Variants in DGKB observed in about 807,000 individuals in gnomAD.
The protein encoded by DGKB is diacylglycerol kinase beta, also known as 90 kDa diacylglycerol kinase.
In DGKB, 67 loss-of-function variants were observed where a neutral mutation model predicts 114.3. The ratio of observed to expected loss-of-function variants is 0.59; its 90% CI spans 0.48 to 0.72. DGKB has a LOEUF of 0.72. Among genes scored for constraint, DGKB ranks in the 30% least tolerant of loss-of-function variants. The probability of loss-of-function intolerance (pLI) is 0.00; values close to 1 mark genes in which losing one functional copy is unlikely to be tolerated. For synonymous variants in DGKB, 398 were observed against 323.1 expected (o/e 1.23, Z -2.49); for missense variants, 907 against 975.2 (o/e 0.93, Z 0.93).
chr7:14,233,207 A>G (rs2128345050), intron 23 of DGKB, among the ~76,000 whole-genome samples: 1 of 152,136 alleles, frequency 6.6e-6, no homozygotes, highest in South Asian at 2.1e-4. Context: ...GCAAAGAAAG[A>G]AAAAAGGGAC....
chr7:14,689,196 C>CTTTTT (rs1554599070), intron 9 of DGKB, among the ~76,000 whole-genome samples: 2 of 80,296 alleles, frequency 2.5e-5, no homozygotes, highest in African/African-American at 9.9e-5. Flanking sequence ...AGAAACTCCT[C>CTTTTT]TTATTTTTTT....
intron 5 of DGKB, among the ~76,000 whole-genome samples, chr7:14,722,497 T>A (rs559081284): frequency 6.6e-6 from 1 of 152,262 alleles, no homozygotes; most frequent in East Asian, 1.9e-4. Flanking sequence ...ATCAACTTGA[T>A]TAAATTTTGA....
At chr7:14,256,090 C>T (rs1339931228) in intron 23 of DGKB, among the ~76,000 whole-genome samples, 1 of 152,018 alleles carries the variant, frequency 6.6e-6, no homozygotes, top group Non-Finnish European at 1.5e-5. Context: ...TTGTCTATTT[C>T]ATTAGACTTT....
intron 3 of DGKB, among the ~76,000 whole-genome samples, chr7:14,754,333 A>G (rs1834555396): frequency 6.6e-6 from 1 of 152,206 alleles, no homozygotes. Flanking sequence ...TATAATATGT[A>G]ACACATACAG....
At chr7:14,948,214 A>T (rs1260297120) in intron 1 of DGKB, among the ~76,000 whole-genome samples, 2 of 151,818 alleles carry the variant, frequency 1.3e-5, no homozygotes, top group Non-Finnish European at 2.9e-5. Flanking sequence ...ATCTGTACTA[A>T]GGGATAATTT....
chr7:14,836,340 G>A (rs1847153899), intron 2 of DGKB, among the ~76,000 whole-genome samples: 1 of 152,104 alleles, frequency 6.6e-6, no homozygotes, highest in Non-Finnish European at 1.5e-5. Flanking sequence ...AGTTTGGAAA[G>A]GTTCCCACCA....
At chr7:14,436,727 T>C (rs1829329189) in intron 21 of DGKB, among the ~76,000 whole-genome samples, 1 of 152,124 alleles carries the variant, frequency 6.6e-6, no homozygotes, top group Non-Finnish European at 1.5e-5. Flanking sequence ...TTGCAAGAGG[T>C]ACACATGTTT....
chr7:14,149,742 C>CCAAA (rs1781905440), intron 25 of DGKB, among the ~76,000 whole-genome samples: 1 of 151,240 alleles, frequency 6.6e-6, no homozygotes, highest in Non-Finnish European at 1.5e-5. Flanking sequence ...GGCTTAATTT[C>CCAAA]CAAACAGTCA....
intron 1 of DGKB, among the ~76,000 whole-genome samples, chr7:14,859,126 G>A (rs1051015344): frequency 6.6e-6 from 1 of 152,074 alleles, no homozygotes; most frequent in Non-Finnish European, 1.5e-5. Flanking sequence ...AGGAGAGAAG[G>A]CAAATTCCAG....
chr7:14,190,374 G>A (rs1290226756), intron 23 of DGKB, among the ~76,000 whole-genome samples: 1 of 151,822 alleles, frequency 6.6e-6, no homozygotes, highest in Non-Finnish European at 1.5e-5. Context: ...AAAACCCATG[G>A]GACACAATAA....
chr7:14,347,970 A>T (rs1005835887), intron 21 of DGKB, among the ~76,000 whole-genome samples: 3 of 152,036 alleles, frequency 2.0e-5, no homozygotes, highest in Non-Finnish European at 2.9e-5. Flanking sequence ...TTAGATTCAC[A>T]TGCAGTTGTA....
At chr7:14,893,352 GT>G (rs1343550660) in intron 1 of DGKB, among the ~76,000 whole-genome samples, 1 of 151,320 alleles carries the variant, frequency 6.6e-6, no homozygotes, top group African/African-American at 2.4e-5. Flanking sequence ...CTTAAAAGAC[GT>G]TTTTTCCTGG....
intron 2 of DGKB, among the ~76,000 whole-genome samples, chr7:14,818,143 A>T (rs922719889): frequency 1.5e-4 from 23 of 152,190 alleles, no homozygotes; most frequent in Admixed American, 1.5e-3. Context: ...TAAGAGCCTT[A>T]TACCTGTATA....
chr7:14,553,348 CTT>C (rs1305782742), intron 20 of DGKB, among the ~76,000 whole-genome samples: 5 of 152,190 alleles, frequency 3.3e-5, no homozygotes, highest in African/African-American at 9.7e-5. Context: ...GGTTTTCCCT[CTT>C]GTGTTCTCCA....
intron 1 of DGKB, among the ~76,000 whole-genome samples, chr7:14,966,295 C>T (rs1787145323): frequency 6.6e-6 from 1 of 151,984 alleles, no homozygotes; most frequent in South Asian, 2.1e-4. Flanking sequence ...CATAGCACAA[C>T]ATGAAAGACA....
At chr7:14,558,603 G>A (rs1796207044) in intron 20 of DGKB, among the ~76,000 whole-genome samples, 1 of 152,030 alleles carries the variant, frequency 6.6e-6, no homozygotes, top group Non-Finnish European at 1.5e-5. Flanking sequence ...ATTGTTCATG[G>A]ATATTCCAGA....
intron 1 of DGKB, among the ~76,000 whole-genome samples, chr7:14,861,094 G>A (rs1850912704): frequency 1.3e-5 from 2 of 151,914 alleles, no homozygotes; most frequent in African/African-American, 2.4e-5. Flanking sequence ...CAATCTCTTT[G>A]TATTTCCAGG....
At chr7:14,961,089 T>C (rs967285878) in intron 1 of DGKB, among the ~76,000 whole-genome samples, 8 of 152,246 alleles carry the variant, frequency 5.3e-5, no homozygotes, top group Middle Eastern at 6.8e-3. Context: ...CTATTTAATG[T>C]GTATACAGGA....
chr7:14,928,409 G>A (rs1319387628), intron 1 of DGKB, among the ~76,000 whole-genome samples: 1 of 151,758 alleles, frequency 6.6e-6, no homozygotes, highest in Non-Finnish European at 1.5e-5. Context: ...TGTTTCCTCT[G>A]TTCACTCAAA....
Sources: allele counts gnomAD v4.1 joint callset (sites outside exome capture counted in the v4.1 genomes callset), GRCh38; gene constraint gnomAD v4.1.1; transcripts MANE v1.5; gene names NCBI Gene and HGNC (gene_info 2026-07-23, HGNC 2026-07-21).